The following DSCAML1 variants were observed in gnomAD, a reference collection of about 807,000 sequenced individuals.
The protein encoded by DSCAML1 is cell adhesion molecule DSCAML1.
A neutral mutation model predicts 200.5 loss-of-function variants in DSCAML1; 38 were observed. The ratio of observed to expected loss-of-function variants is 0.19; its 90% CI spans 0.15 to 0.25. The LOEUF is 0.25. DSCAML1 is among the 10% of genes least tolerant of loss of function. The pLI is 1.00. For missense variants in DSCAML1, 2,223 were observed against 2,858.8 expected, an observed-to-expected ratio of 0.78 and a Z score of 5.07; for synonymous variants, 1,215 against 1,165.0, an observed-to-expected ratio of 1.04 and a Z score of -0.87.
intron 3 of DSCAML1, among the ~76,000 whole-genome samples, chr11:117,583,924 C>T (rs958128539): frequency 2.6e-5 from 4 of 152,318 alleles, no homozygotes; most frequent in African/African-American, 7.2e-5. Flanking sequence ...ACAATGCTTT[C>T]GGCCAAAGAA....
intron 3 of DSCAML1, chr11:117,611,238 C>G (rs376441297): frequency 1.3e-5 from 2 of 152,200 alleles, no homozygotes; most frequent in Non-Finnish European, 2.9e-5. Flanking sequence ...CTTTCTGTCT[C>G]GCTTATCCTG....
intron 3 of DSCAML1, among the ~76,000 whole-genome samples, chr11:117,693,981 G>T (rs539022427): frequency 4.0e-5 from 6 of 151,284 alleles, no homozygotes; most frequent in African/African-American, 9.7e-5. Flanking sequence ...GTACAAGCAG[G>T]TTCTTTTCTC....
intron 1 of DSCAML1, among the ~76,000 whole-genome samples, chr11:117,791,309 C>T (rs1468167772): frequency 6.6e-6 from 1 of 152,196 alleles, no homozygotes; most frequent in East Asian, 1.9e-4. Context: ...TCTCTATATG[C>T]AAAACTGCCT....
At chr11:117,547,005 T>C (rs1284212752) in intron 3 of DSCAML1, among the ~76,000 whole-genome samples, 1 of 151,632 alleles carries the variant, frequency 6.6e-6, no homozygotes, top group Non-Finnish European at 1.5e-5. Context: ...AAGAATAGAA[T>C]TGCATTTAAA....
At chr11:117,544,128 G>C (rs1236510739) in intron 3 of DSCAML1, among the ~76,000 whole-genome samples, 1 of 152,188 alleles carries the variant, frequency 6.6e-6, no homozygotes, top group Non-Finnish European at 1.5e-5. Flanking sequence ...TCTCTTGGAA[G>C]AGAAGAGCTA....
chr11:117,433,554 G>T (rs2047848227), intron 27 of DSCAML1, 83 bp from the exon 28 acceptor site: 2 of 1,494,310 alleles, frequency 1.3e-6, no homozygotes, highest in Non-Finnish European at 1.8e-6. Context: ...GGGAAACAAG[G>T]TGGAGAATTC....
At chr11:117,652,545 C>T (rs914764660) in intron 3 of DSCAML1, among the ~76,000 whole-genome samples, 1 of 152,232 alleles carries the variant, frequency 6.6e-6, no homozygotes, top group Admixed American at 6.5e-5. Context: ...CATACTCACA[C>T]CTGAGGCAGC....
At chr11:117,434,286 C>T (rs1592566184) in intron 27 of DSCAML1, among the ~76,000 whole-genome samples, 1 of 152,068 alleles carries the variant, frequency 6.6e-6, no homozygotes, top group African/African-American at 2.4e-5. Context: ...CATCATCCAC[C>T]TATTCAACCA....
intron 3 of DSCAML1, among the ~76,000 whole-genome samples, chr11:117,750,544 C>T (rs1018069175): frequency 6.6e-6 from 1 of 152,162 alleles, no homozygotes; most frequent in Non-Finnish European, 1.5e-5. Flanking sequence ...GTCTCCCGGG[C>T]GTGTCTACTC....
chr11:117,722,154 C>T (rs2054051039), intron 3 of DSCAML1, among the ~76,000 whole-genome samples: 3 of 152,120 alleles, frequency 2.0e-5, no homozygotes, highest in Non-Finnish European at 4.4e-5. Flanking sequence ...TTCTGCTAAC[C>T]AGCCCCAGCT....
chr11:117,458,840 G>C lies in DSCAML1; in HGVS notation c.3482C>G (p.Thr1161Ser), dbSNP rs2048423634. 1 of 1,614,048 alleles carries C rather than the reference G, an allele frequency of 6.2e-7. No individual in the cohort carries two copies. The highest frequency in any genetic ancestry group is 8.5e-7 in the Non-Finnish European group (1 of 1,180,010). The part of the protein sequence containing the change: ...RVELRGMEKF[T>S]NYSVQVLAYT... ...GGCCAGCACCTGGACGCTGTAGTTGGTGAACTTCTCCATGCCCCGCAGCTC... is the reference window on the plus strand; with the variant it reads ...GGCCAGCACCTGGACGCTGTAGTTGCTGAACTTCTCCATGCCCCGCAGCTC... Residue 1161 changes from threonine to serine, a missense_variant, in exon 19 of 33, where the codon ACC (threonine) becomes AGC (serine). Thr to Ser is a moderately conservative substitution (Grantham distance 58). Around this residue, in one of 7 missense-constraint regions of DSCAML1, gnomAD observed 438 missense variants for 629.7 expected, o/e 0.70. Coordinates refer to ENST00000651296, the MANE Select transcript of DSCAML1 (RefSeq NM_020693.4).
chr11:117,489,896 G>A lies in DSCAML1; in HGVS notation c.2360-7734C>T, dbSNP rs114080092. On this transcript the variant is annotated intron_variant, in intron 11 of 32. Transcript: ENST00000651296. The surrounding 1 kb of genome is among the most constrained non-coding windows in gnomAD (Gnocchi z 4.8). Reference sequence around the variant, plus strand: ...GCATCTCTATTCCAGGGCTTAGCTCGTGTTTGTGGAAAGGAGAGCTTTACT... The same window carrying A: ...GCATCTCTATTCCAGGGCTTAGCTCATGTTTGTGGAAAGGAGAGCTTTACT... Among the ~76,000 whole-genome samples the A allele has an allele frequency of 0.023, 3,536 of 152,306 alleles. 114 individuals carry two copies. Among genetic ancestry groups the A allele is most frequent in the African/African-American group, 0.08 (3,322 of 41,560 alleles).
intron 3 of DSCAML1, among the ~76,000 whole-genome samples, chr11:117,619,796 A>G (rs1244105056): frequency 1.3e-5 from 2 of 152,200 alleles, no homozygotes; most frequent in African/African-American, 4.8e-5. Flanking sequence ...ATAGCAGGTC[A>G]CAGGGCACCT....
intron 3 of DSCAML1, among the ~76,000 whole-genome samples, chr11:117,635,272 T>C (rs1364976009): frequency 6.6e-6 from 1 of 152,182 alleles, no homozygotes; most frequent in African/African-American, 2.4e-5. Flanking sequence ...AAGCCCCAGC[T>C]CTACTCGCCC....
intron 1 of DSCAML1, among the ~76,000 whole-genome samples, chr11:117,808,940 T>G (rs1464904460): frequency 6.6e-6 from 1 of 152,100 alleles, no homozygotes; most frequent in Non-Finnish European, 1.5e-5. Flanking sequence ...ATGAGAAAAC[T>G]GAGGCTCCGA....
At chr11:117,787,022 G>A (rs2055368452) in intron 1 of DSCAML1, among the ~76,000 whole-genome samples, 1 of 152,200 alleles carries the variant, frequency 6.6e-6, no homozygotes, top group African/African-American at 2.4e-5. Context: ...CGAGGGCAGT[G>A]ACTGTCTAGT....
At chr11:117,778,340 C>T (rs1040800285) in intron 2 of DSCAML1, among the ~76,000 whole-genome samples, 6 of 152,138 alleles carry the variant, frequency 3.9e-5, no homozygotes, top group African/African-American at 1.4e-4. Context: ...TGGAGGGAGG[C>T]AAGGTGGTGG....
rs538209614 is a variant in DSCAML1 at position 117,530,243 on chromosome 11, G to A, written c.658+2133C>T. ...TCCAGTTCAAAGAATGTCTCTTTTT[G>A]AGGGACTCTTGCCTAGTGCCCCCAA... is the stretch of plus-strand genomic sequence containing the variant. On this transcript the variant is annotated intron_variant, in intron 4 of 32. Coordinates refer to ENST00000651296, the MANE Select transcript of DSCAML1 (RefSeq NM_020693.4). Among the ~76,000 whole-genome samples the A allele has an allele frequency of 3.9e-5, 6 of 152,246 alleles. 1 individual carries two copies. In the East Asian group the frequency reaches 9.7e-4, roughly 25 times the overall value.
At chr11:117,815,602 T>C (rs2055798280) in intron 1 of DSCAML1, among the ~76,000 whole-genome samples, 1 of 151,930 alleles carries the variant, frequency 6.6e-6, no homozygotes, top group South Asian at 2.1e-4. Context: ...AGTTTAGACA[T>C]CTAGAGACAG....
Sources: allele counts gnomAD v4.1 joint callset (sites outside exome capture counted in the v4.1 genomes callset), GRCh38; gene constraint gnomAD v4.1.1; regional missense constraint gnomAD v4.1.1; non-coding constraint Gnocchi (gnomAD v3.1); transcripts MANE v1.5; gene names NCBI Gene and HGNC (gene_info 2026-07-23, HGNC 2026-07-21).